ESRRG: variants seen among roughly 807,000 people sequenced by gnomAD.
The protein encoded by ESRRG is estrogen related receptor gamma, also known as estrogen-related receptor gamma.
In ESRRG, 13 loss-of-function variants were observed where a neutral mutation model predicts 44.0. That is an observed-to-expected ratio of 0.30 (90% CI 0.19 to 0.47). The LOEUF is 0.47. ESRRG is among the 20% of genes least tolerant of loss of function. ESRRG has a pLI of 1.00. For missense variants in ESRRG, 395 were observed against 580.6 expected, an observed-to-expected ratio of 0.68 and a Z score of 3.29; for synonymous variants, 215 against 214.6, an observed-to-expected ratio of 1.00 and a Z score of -0.02.
intron 1 of ESRRG, among the ~76,000 whole-genome samples, chr1:216,995,963 A>G (rs528604099): frequency 5.8e-4 from 89 of 152,312 alleles, no homozygotes; most frequent in Non-Finnish European, 9.1e-4. Context: ...ATCTCCACTC[A>G]ATTCCAGGAT....
Position 216,842,782 on chromosome 1 carries a change from G to T in ESRRG, c.-14+96800C>A, listed in dbSNP as rs1245534797. 2.0e-5 allele frequency among the ~76,000 whole-genome samples: 3 copies of T among 152,314 alleles called. No individual in the cohort carries two copies. In the East Asian group the frequency reaches 5.8e-4, roughly 29 times the overall value. ...AAGCAAAGGTGCTATGACTTTGATA[G>T]TGCATTTATACCACAAATCTTTGAA... is the stretch of plus-strand genomic sequence containing the variant. On this transcript the variant is annotated intron_variant, in intron 2 of 7. Transcript: ENST00000359162.
At chr1:216,851,864 G>T (rs747733541) in intron 2 of ESRRG, among the ~76,000 whole-genome samples, 1 of 152,078 alleles carries the variant, frequency 6.6e-6, no homozygotes, top group Non-Finnish European at 1.5e-5. Context: ...TATTTAGGAA[G>T]AGTAGAAAAA....
intron 2 of ESRRG, among the ~76,000 whole-genome samples, chr1:216,831,628 G>T (rs1313000766): frequency 1.3e-5 from 2 of 152,040 alleles, no homozygotes; most frequent in East Asian, 3.9e-4. Context: ...ATTACTTAAG[G>T]TAAACTATTA....
chr1:216,775,855 G>A (rs184052099), intron 2 of ESRRG, among the ~76,000 whole-genome samples: 78 of 151,792 alleles, frequency 5.1e-4, no homozygotes, highest in Non-Finnish European at 4.3e-4. Flanking sequence ...GTCAGCTACC[G>A]TGCCAAGCTA....
At chr1:216,849,825 C>A (rs1418119735) in intron 2 of ESRRG, among the ~76,000 whole-genome samples, 1 of 152,044 alleles carries the variant, frequency 6.6e-6, no homozygotes, top group Non-Finnish European at 1.5e-5. Context: ...TAATATTGAG[C>A]CATCTATACT....
intron 3 of ESRRG, among the ~76,000 whole-genome samples, chr1:216,611,735 T>C (rs1191746132): frequency 6.6e-6 from 1 of 151,968 alleles, no homozygotes; most frequent in African/African-American, 2.4e-5. Context: ...CTGTCATATA[T>C]TTTGTACTGT....
intron 2 of ESRRG, among the ~76,000 whole-genome samples, chr1:216,831,479 CG>C (rs565480445): frequency 1.5e-5 from 2 of 131,402 alleles, no homozygotes; most frequent in East Asian, 2.2e-4. Context: ...TCTCATTCAA[CG>C]GGGGGAGGAA....
chr1:216,507,526 A>G (rs889085937), intron 6 of ESRRG, among the ~76,000 whole-genome samples: 1 of 152,172 alleles, frequency 6.6e-6, no homozygotes, highest in Non-Finnish European at 1.5e-5. Context: ...CATTCACTCA[A>G]TAAACAACCA....
intron 1 of ESRRG, among the ~76,000 whole-genome samples, chr1:216,973,925 C>T (rs1012335793): frequency 1.3e-5 from 2 of 150,600 alleles, no homozygotes; most frequent in African/African-American, 2.5e-5. Context: ...AACCCATAAG[C>T]GTATCCCTGG....
chr1:216,782,901 T>A (rs1286664168), intron 2 of ESRRG, among the ~76,000 whole-genome samples: 5 of 152,102 alleles, frequency 3.3e-5, no homozygotes, highest in Non-Finnish European at 7.4e-5. Flanking sequence ...TTTTAATAGG[T>A]ATTCAATCTT....
At chr1:216,766,690 A>T (rs186265575) in intron 2 of ESRRG, among the ~76,000 whole-genome samples, 1 of 152,040 alleles carries the variant, frequency 6.6e-6, no homozygotes, top group Non-Finnish European at 1.5e-5. Context: ...TATCAAGAAG[A>T]TGTCCTTAAT....
At chr1:216,960,179 A>G (rs1308075641) in intron 1 of ESRRG, among the ~76,000 whole-genome samples, 1 of 152,268 alleles carries the variant, frequency 6.6e-6, no homozygotes, top group Non-Finnish European at 1.5e-5. Context: ...TAACATTATC[A>G]TTATGTACAT....
chr1:217,092,049 C>T (rs895233219), upstream of ESRRG, among the ~76,000 whole-genome samples: 3 of 152,148 alleles, frequency 2.0e-5, no homozygotes, highest in Admixed American at 1.3e-4. Context: ...TGGTTTCTTA[C>T]CCCAGGAGTG....
In ESRRG at chr1:217,072,472, G is replaced by A. The variant is rs936858194; in HGVS notation, c.-106+17035C>T. 3.3e-5 allele frequency among the ~76,000 whole-genome samples: 5 copies of A among 152,164 alleles called. No individual in the cohort carries two copies. The South Asian group carries it at 6.2e-4, about 19-fold the overall frequency. ...TATTTTGTGTTAATCACTGGAATAG[G>A]CATTTTAAATATATAATCTTATTTA... On this transcript the variant is annotated intron_variant, in intron 1 of 7. Coordinates refer to the ESRRG transcript ENST00000359162.
intron 2 of ESRRG, among the ~76,000 whole-genome samples, chr1:216,929,983 T>C (rs1264791737): frequency 6.6e-6 from 1 of 152,126 alleles, no homozygotes; most frequent in African/African-American, 2.4e-5. Flanking sequence ...TTACCTTATC[T>C]AAGTTATTAG....
upstream of ESRRG, among the ~76,000 whole-genome samples, chr1:217,093,545 G>A (rs1460009116): frequency 1.3e-5 from 2 of 152,048 alleles, no homozygotes; most frequent in Admixed American, 6.5e-5. Context: ...CACTTCAGGA[G>A]GCCAAGGCGG....
At chr1:216,692,307 AGTGTATGT>A (rs1251810493) in intron 1 of ESRRG, among the ~76,000 whole-genome samples, 4 of 49,260 alleles carry the variant, frequency 8.1e-5, no homozygotes, top group African/African-American at 2.4e-4. Context: ...GGCCTAGGCT[AGTGTATGT>A]GTGTGTGTGT....
At chr1:216,824,212 C>T (rs767502082) in intron 2 of ESRRG, among the ~76,000 whole-genome samples, 9 of 151,946 alleles carry the variant, frequency 5.9e-5, no homozygotes, top group East Asian at 1.9e-4. Flanking sequence ...TTTGAGAGGC[C>T]GAGGCAGGCA....
At chr1:216,690,837 T>G (rs1359528770) in intron 1 of ESRRG, among the ~76,000 whole-genome samples, 1 of 152,144 alleles carries the variant, frequency 6.6e-6, no homozygotes, top group Non-Finnish European at 1.5e-5. Context: ...AAGTCCAGAT[T>G]TCCATCTCTT....
Sources: allele counts gnomAD v4.1 joint callset (sites outside exome capture counted in the v4.1 genomes callset), GRCh38; gene constraint gnomAD v4.1.1; transcripts MANE v1.5; gene names NCBI Gene and HGNC (gene_info 2026-07-23, HGNC 2026-07-21).